The following NPAS3 variants were observed in gnomAD, a reference collection of about 807,000 sequenced individuals.
The protein encoded by NPAS3 is neuronal PAS domain protein 3.
NPAS3 carries 14 observed loss-of-function variants against 73.1 expected under a neutral mutation model. The ratio of observed to expected loss-of-function variants is 0.19; its 90% CI spans 0.13 to 0.30. NPAS3 has a LOEUF of 0.30. Ranked by LOEUF, NPAS3 falls within the 10% of genes least tolerant of loss-of-function variation. The probability of loss-of-function intolerance (pLI) is 1.00; values close to 1 mark genes in which losing one functional copy is unlikely to be tolerated. For synonymous variants in NPAS3, 620 were observed against 541.5 expected (o/e 1.14, Z -2.01); for missense variants, 1,096 against 1,250.0 (o/e 0.88, Z 1.86).
upstream of NPAS3, chr14:32,935,041 C>T: frequency 5.7e-6 from 7 of 1,227,220 alleles, no homozygotes; most frequent in Non-Finnish European, 7.2e-6. Context: ...GTGCCCCCGC[C>T]CCGGGGTGCT....
At chr14:33,357,278 A>T (rs2045381103) in intron 3 of NPAS3, among the ~76,000 whole-genome samples, 2 of 152,224 alleles carry the variant, frequency 1.3e-5, no homozygotes, top group South Asian at 4.1e-4. Flanking sequence ...AGCATCTTAA[A>T]ACCAATGCCA....
chr14:33,785,118 G>T (rs1271668413), intron 9 of NPAS3, among the ~76,000 whole-genome samples: 1 of 151,416 alleles, frequency 6.6e-6, no homozygotes, highest in Non-Finnish European at 1.5e-5. Context: ...CTCTTATAAG[G>T]CACGATCAGA....
intron 2 of NPAS3, among the ~76,000 whole-genome samples, chr14:33,159,951 C>A (rs1210878609): frequency 6.6e-6 from 1 of 152,104 alleles, no homozygotes; most frequent in Admixed American, 6.5e-5. Context: ...ATTTTAACTG[C>A]AAGAGACAAG....
intron 2 of NPAS3, among the ~76,000 whole-genome samples, chr14:33,151,397 C>G (rs774878736): frequency 6.6e-6 from 1 of 152,216 alleles, no homozygotes; most frequent in African/African-American, 2.4e-5. Context: ...CATGTAGCCT[C>G]TCTTCTGCCT....
At chr14:33,215,575 A>G (rs866375386) in intron 3 of NPAS3, 149 bp downstream of exon 3, 1 of 897,954 alleles carries the variant, frequency 1.1e-6, no homozygotes, top group African/African-American at 1.6e-5. Flanking sequence ...CATGAGAAAG[A>G]CACCATGTGA....
At chr14:33,769,622 C>T (rs900749804) in intron 7 of NPAS3, among the ~76,000 whole-genome samples, 10 of 152,138 alleles carry the variant, frequency 6.6e-5, no homozygotes, top group African/African-American at 9.7e-5. Flanking sequence ...CCAAACCTTT[C>T]TTATGGAACA....
chr14:33,306,315 T>A (rs1428657396), intron 3 of NPAS3, among the ~76,000 whole-genome samples: 2 of 152,214 alleles, frequency 1.3e-5, no homozygotes, highest in African/African-American at 4.8e-5. Context: ...CTAGTGATAT[T>A]AAATTGGTAC....
At position 33,683,427 on chromosome 14, in the gene NPAS3, CAAAAAAA is replaced by C. The variant is rs1176606241; in HGVS notation, c.733+7060_733+7066del. ...AATTATGACCTGTTTTTCCTCATTT[CAAAAAAA>C]AAAAAAAAAAAAAAAAAGGTGGCCG... On this transcript the variant is annotated intron_variant, in intron 6 of 11. Coordinates refer to ENST00000356141, the Ensembl canonical transcript of NPAS3. 3.2e-3 allele frequency among the ~76,000 whole-genome samples: 249 copies of C among 77,532 alleles called. 1 individual carries two copies. Among genetic ancestry groups the C allele is most frequent in the African/African-American group, 8.8e-3 (177 of 20,222 alleles). The allele number at this position is 77,532 out of a possible 152,430, so 50.9% of individuals were successfully genotyped here. A position where few individuals can be genotyped will look rare whatever the true frequency, so the allele number is the denominator to read the frequency against.
intron 6 of NPAS3, among the ~76,000 whole-genome samples, chr14:33,689,740 G>T (rs2060183607): frequency 6.6e-6 from 1 of 152,046 alleles, no homozygotes. Context: ...TTTCTGTTTT[G>T]CAGATTCACG....
chr14:33,438,635 G>A (rs1352262010), intron 4 of NPAS3, among the ~76,000 whole-genome samples: 1 of 152,120 alleles, frequency 6.6e-6, no homozygotes, highest in Non-Finnish European at 1.5e-5. Flanking sequence ...TATTTTATTA[G>A]CAACGATTCT....
chr14:33,348,171 A>C (rs1219781781), intron 3 of NPAS3, among the ~76,000 whole-genome samples: 1 of 152,194 alleles, frequency 6.6e-6, no homozygotes, highest in Non-Finnish European at 1.5e-5. Context: ...AGCCTCAGTA[A>C]CTTGCCCCAT....
At chr14:33,049,471 G>C (rs1456027849) in intron 1 of NPAS3, among the ~76,000 whole-genome samples, 2 of 152,174 alleles carry the variant, frequency 1.3e-5, no homozygotes, top group African/African-American at 4.8e-5. Flanking sequence ...AGACAAGGAG[G>C]AGCAAGTCAC....
At chr14:32,962,653 C>T (rs1427483582) in intron 1 of NPAS3, among the ~76,000 whole-genome samples, 1 of 148,276 alleles carries the variant, frequency 6.7e-6, no homozygotes, top group Non-Finnish European at 1.5e-5. Flanking sequence ...CTCACCACCT[C>T]CCGGGTTCAA....
In NPAS3 at chr14:33,776,854, G is replaced by A. The variant is rs1159240932; in HGVS notation, c.1047-1612G>A. Among the ~76,000 whole-genome samples, 4 of 152,284 alleles carry A rather than the reference G, an allele frequency of 2.6e-5. No individual in the cohort carries two copies. The East Asian group carries it at 5.8e-4, about 22-fold the overall frequency. Reference sequence around the variant, plus strand: ...CTGGTCTGGTGCTTTTGAGATATGTGTTAAGAGACCCTCAAATGCCGGGCT... The same window carrying A: ...CTGGTCTGGTGCTTTTGAGATATGTATTAAGAGACCCTCAAATGCCGGGCT... On this transcript the variant is annotated intron_variant, in intron 8 of 11. Coordinates refer to ENST00000356141, the Ensembl canonical transcript of NPAS3.
At chr14:33,027,277 T>C (rs1323767726) in intron 1 of NPAS3, among the ~76,000 whole-genome samples, 1 of 152,110 alleles carries the variant, frequency 6.6e-6, no homozygotes, top group African/African-American at 2.4e-5. Flanking sequence ...AAATAAGTTT[T>C]CTCTTTTGGC....
intron 9 of NPAS3, among the ~76,000 whole-genome samples, chr14:33,790,251 T>C (rs2063317967): frequency 6.6e-6 from 1 of 152,240 alleles, no homozygotes; most frequent in Non-Finnish European, 1.5e-5. Flanking sequence ...TGGTGCTTAT[T>C]TTTGTTATTC....
rs146685178 is a variant in NPAS3 at position 33,442,459 on chromosome 14, G to T, written c.468+75191G>T. On this transcript the variant is annotated intron_variant, in intron 4 of 11. Coordinates refer to ENST00000356141, the Ensembl canonical transcript of NPAS3. ...AACTACAGTTAAGCCAGGTGATACG[G>T]TTTGGCTGTGTCCCAAATCTCATAT... is the stretch of plus-strand genomic sequence containing the variant. Among the ~76,000 whole-genome samples, 885 of 152,236 alleles carry T rather than the reference G, an allele frequency of 5.8e-3. 15 individuals are homozygous for T. Among genetic ancestry groups the T allele is most frequent in the African/African-American group, 0.02 (839 of 41,536 alleles).
chr14:33,782,739 G>A (rs2063015272), intron 9 of NPAS3, among the ~76,000 whole-genome samples: 1 of 151,768 alleles, frequency 6.6e-6, no homozygotes, highest in Non-Finnish European at 1.5e-5. Context: ...ATTTCAGAAA[G>A]ACAGAAGGAC....
At chr14:33,286,639 A>G (rs771479385) in intron 3 of NPAS3, among the ~76,000 whole-genome samples, 1 of 152,002 alleles carries the variant, frequency 6.6e-6, no homozygotes, top group Non-Finnish European at 1.5e-5. Flanking sequence ...AAGTGATGAT[A>G]GCATGAATGT....
Sources: allele counts gnomAD v4.1 joint callset (sites outside exome capture counted in the v4.1 genomes callset), GRCh38; gene constraint gnomAD v4.1.1; transcripts MANE v1.5; gene names NCBI Gene and HGNC (gene_info 2026-07-23, HGNC 2026-07-21).